The following GADL1 variants were observed in gnomAD, a reference collection of about 807,000 sequenced individuals.
GADL1 encodes GAD like acidic amino acid decarboxylase 1.
GADL1 carries 71 observed loss-of-function variants against 69.5 expected under a neutral mutation model. That is an observed-to-expected ratio of 1.02 (90% CI 0.84 to 1.25). The LOEUF (loss-of-function observed/expected upper bound fraction) is 1.25, where lower values mean the gene tolerates loss of function less well. Among genes scored for constraint, GADL1 ranks in the 50% most tolerant of loss-of-function variants. The probability of loss-of-function intolerance (pLI) is 0.00; values close to 1 mark genes in which losing one functional copy is unlikely to be tolerated. For missense variants in GADL1, 737 were observed against 631.8 expected, an observed-to-expected ratio of 1.17 and a Z score of -1.79; for synonymous variants, 254 against 214.4, an observed-to-expected ratio of 1.18 and a Z score of -1.62.
chr3:30,762,418 T>A (rs1033753191), intron 14 of GADL1, among the ~76,000 whole-genome samples: 5 of 152,196 alleles, frequency 3.3e-5, no homozygotes, highest in African/African-American at 1.2e-4. Context: ...ATATCTGAAC[T>A]CATGTACTTC....
At chr3:30,775,871 T>G (rs1696524980) in intron 14 of GADL1, among the ~76,000 whole-genome samples, 1 of 152,100 alleles carries the variant, frequency 6.6e-6, no homozygotes, top group Non-Finnish European at 1.5e-5. Context: ...CCGAGGCAGG[T>G]GGATCACCTG....
chr3:30,890,559 T>C (rs903612231), intron 1 of GADL1, among the ~76,000 whole-genome samples: 1 of 152,214 alleles, frequency 6.6e-6, no homozygotes, highest in Non-Finnish European at 1.5e-5. Flanking sequence ...TCCCTATGAA[T>C]CACCTGGACT....
intron 14 of GADL1, among the ~76,000 whole-genome samples, chr3:30,761,239 T>C (rs1296166859): frequency 6.8e-6 from 1 of 146,032 alleles, no homozygotes; most frequent in Non-Finnish European, 1.5e-5. Context: ...CTATCGTGGA[T>C]AGCAATGAGA....
chr3:30,786,315 T>C, intron 13 of GADL1, 40 bp downstream of exon 13: 1 of 1,301,818 alleles, frequency 7.7e-7, no homozygotes, highest in Non-Finnish European at 1.1e-6. Flanking sequence ...TCATCACTGT[T>C]AACTGACAAA....
Position 30,748,171 on chromosome 3 carries a change from A to T in GADL1, c.1393-19756T>A, listed in dbSNP as rs1025415823. Among the ~76,000 whole-genome samples the T allele has an allele frequency of 1.2e-4, 18 of 152,346 alleles. No homozygotes were observed. The East Asian group carries it at 3.5e-3, about 29-fold the overall frequency. ...CCTGGACCAAATCAATGGCATAGAC[A>T]CTATGGATTGATTTGGAACACCATC... On this transcript the variant is annotated intron_variant, in intron 14 of 14. Transcript: ENST00000282538.
chr3:30,885,716 G>A (rs568783399), intron 1 of GADL1, among the ~76,000 whole-genome samples: 81 of 151,846 alleles, frequency 5.3e-4, no homozygotes, highest in African/African-American at 1.9e-3. Context: ...AAATAAGACA[G>A]CATTTACATT....
chr3:30,859,172 T>C (rs1698277455), intron 2 of GADL1, among the ~76,000 whole-genome samples: 2 of 151,758 alleles, frequency 1.3e-5, no homozygotes, highest in South Asian at 2.1e-4. Flanking sequence ...TCTAAAAATT[T>C]TGGCTGTGGA....
intron 11 of GADL1, among the ~76,000 whole-genome samples, chr3:30,801,301 C>T (rs572647289): frequency 6.6e-6 from 1 of 152,148 alleles, no homozygotes; most frequent in South Asian, 2.1e-4. Flanking sequence ...GTTGACAATG[C>T]TAAAATCCAT....
At chr3:30,767,362 G>GCT in intron 14 of GADL1, among the ~76,000 whole-genome samples, 1 of 152,148 alleles carries the variant, frequency 6.6e-6, no homozygotes, top group Non-Finnish European at 1.5e-5. Context: ...TAGCAGATTT[G>GCT]AGAACCTATC....
intron 1 of GADL1, among the ~76,000 whole-genome samples, chr3:30,887,496 C>T (rs534173364): frequency 9.9e-5 from 15 of 152,260 alleles, no homozygotes; most frequent in Non-Finnish European, 1.9e-4. Flanking sequence ...TAATGCCCTG[C>T]ACCACCTTGG....
At chr3:30,810,956 A>G (rs1049325708) in intron 11 of GADL1, among the ~76,000 whole-genome samples, 3 of 152,204 alleles carry the variant, frequency 2.0e-5, no homozygotes, top group Admixed American at 2.0e-4. Context: ...TGAACTGCTA[A>G]GAGCTCACAG....
At chr3:30,804,579 T>C (rs1201183839) in intron 11 of GADL1, among the ~76,000 whole-genome samples, 3 of 152,076 alleles carry the variant, frequency 2.0e-5, no homozygotes, top group African/African-American at 7.2e-5. Context: ...CTTATCTGAC[T>C]ATTCTAGCCT....
intron 12 of GADL1, among the ~76,000 whole-genome samples, chr3:30,796,493 A>G (rs1302716516): frequency 6.6e-6 from 1 of 152,214 alleles, no homozygotes; most frequent in East Asian, 1.9e-4. Flanking sequence ...ATTGCCCTGG[A>G]AACCATGACT....
intron 14 of GADL1, among the ~76,000 whole-genome samples, chr3:30,774,880 A>G (rs1208500178): frequency 2.0e-5 from 3 of 152,184 alleles, no homozygotes; most frequent in East Asian, 3.9e-4. Context: ...GAAGAGTGAC[A>G]TGAAGAAGCA....
chr3:30,881,970 C>T (rs1272098980), intron 1 of GADL1, among the ~76,000 whole-genome samples: 1 of 151,850 alleles, frequency 6.6e-6, no homozygotes, highest in Admixed American at 6.6e-5. Context: ...ATGTTGACCC[C>T]TCAATCTTGG....
At chr3:30,765,121 C>CGG (rs1217166395) in intron 14 of GADL1, among the ~76,000 whole-genome samples, 1 of 117,066 alleles carries the variant, frequency 8.5e-6, no homozygotes, top group East Asian at 2.3e-4. Flanking sequence ...TTACGCAAGA[C>CGG]AGAGGTAGTT....
chr3:30,854,331 C>T (rs1698194152), intron 4 of GADL1, among the ~76,000 whole-genome samples: 2 of 152,096 alleles, frequency 1.3e-5, no homozygotes, highest in African/African-American at 2.4e-5. Context: ...CTTCGATTAG[C>T]ATTTTTATAC....
At chr3:30,822,913 A>T (rs1276860926) in intron 11 of GADL1, among the ~76,000 whole-genome samples, 1 of 152,034 alleles carries the variant, frequency 6.6e-6, no homozygotes, top group African/African-American at 2.4e-5. Flanking sequence ...TAGTCTCTAC[A>T]TATTTTCAGG....
chr3:30,861,500 T>C, intron 2 of GADL1, 93 bp downstream of exon 2: 1 of 843,086 alleles, frequency 1.2e-6, no homozygotes, highest in Non-Finnish European at 1.8e-6. Flanking sequence ...AATAAAAACT[T>C]GGCCTTCCCA....
Sources: allele counts gnomAD v4.1 joint callset (sites outside exome capture counted in the v4.1 genomes callset), GRCh38; gene constraint gnomAD v4.1.1; transcripts MANE v1.5; gene names NCBI Gene and HGNC (gene_info 2026-07-23, HGNC 2026-07-21).